The following RMST variants were observed in gnomAD, a reference collection of about 807,000 sequenced individuals.
RMST encodes rhabdomyosarcoma 2 associated transcript, also known as long intergenic non-protein coding RNA 54.
chr12:97,510,273 C>A (rs1879140425), intron 10 of RMST, among the ~76,000 whole-genome samples: 1 of 152,018 alleles, frequency 6.6e-6, no homozygotes, highest in Admixed American at 6.5e-5. Context: ...GAGGTGCCAA[C>A]AATAGATAGA....
intron 5 of RMST, among the ~76,000 whole-genome samples, chr12:97,471,048 C>T (rs184642316): frequency 6.6e-6 from 1 of 152,032 alleles, no homozygotes; most frequent in African/African-American, 2.4e-5. Context: ...AAGAGAGATA[C>T]GTGTCTGCAT....
At chr12:97,553,435 G>A (rs1883450591) in intron 11 of RMST, among the ~76,000 whole-genome samples, 1 of 152,174 alleles carries the variant, frequency 6.6e-6, no homozygotes, top group South Asian at 2.1e-4. Flanking sequence ...TGTGCAACCT[G>A]ATTAAGCAGC....
At chr12:97,470,501 C>T (rs1419616978) in intron 5 of RMST, among the ~76,000 whole-genome samples, 1 of 151,888 alleles carries the variant, frequency 6.6e-6, no homozygotes, top group African/African-American at 2.4e-5. Flanking sequence ...GAAAATAATA[C>T]TCCTAAAATC....
chr12:97,554,674 G>A (rs1158736440), intron 11 of RMST, among the ~76,000 whole-genome samples: 4 of 152,034 alleles, frequency 2.6e-5, no homozygotes, highest in East Asian at 1.9e-4. Context: ...TTCTACCCTC[G>A]TTGCCAAGAA....
At chr12:97,505,570 T>G (rs1332135338) in intron 10 of RMST, among the ~76,000 whole-genome samples, 1 of 152,240 alleles carries the variant, frequency 6.6e-6, no homozygotes, top group Non-Finnish European at 1.5e-5. Context: ...AAGCTATGCA[T>G]TACATGTTTT....
intron 11 of RMST, among the ~76,000 whole-genome samples, chr12:97,558,823 C>G (rs189373502): frequency 1.2e-4 from 18 of 152,106 alleles, no homozygotes; most frequent in African/African-American, 4.3e-4. Flanking sequence ...CACTTAGACT[C>G]CTGATACTGA....
At chr12:97,528,540 A>C (rs981290158) in intron 10 of RMST, among the ~76,000 whole-genome samples, 5 of 152,164 alleles carry the variant, frequency 3.3e-5, no homozygotes, top group African/African-American at 1.2e-4. Flanking sequence ...CCTGAATCAA[A>C]GTCATTTTCA....
intron 11 of RMST, among the ~76,000 whole-genome samples, chr12:97,558,441 C>T (rs1163910038): frequency 6.6e-6 from 1 of 152,138 alleles, no homozygotes; most frequent in Non-Finnish European, 1.5e-5. Context: ...AATGATTGTT[C>T]AGGGTTAAAA....
chr12:97,559,879 A>G (rs1482353182), intron 11 of RMST, among the ~76,000 whole-genome samples: 1 of 152,190 alleles, frequency 6.6e-6, no homozygotes, highest in Non-Finnish European at 1.5e-5. Flanking sequence ...AAATACCTTC[A>G]TCCTTTCTAG....
intron 11 of RMST, among the ~76,000 whole-genome samples, chr12:97,553,075 T>A (rs1276864264): frequency 1.3e-5 from 2 of 152,230 alleles, no homozygotes; most frequent in Non-Finnish European, 2.9e-5. Context: ...TTTGTTAGGA[T>A]AAATGATTGG....
intron 5 of RMST, among the ~76,000 whole-genome samples, chr12:97,475,724 C>T (rs1874478921): frequency 6.6e-6 from 1 of 151,938 alleles, no homozygotes; most frequent in South Asian, 2.1e-4. Flanking sequence ...CCCAAGAACA[C>T]ACATAGTTGT....
intron 5 of RMST, chr12:97,491,495 T>TTG (rs909896061): frequency 1.4e-4 from 23 of 162,504 alleles, no homozygotes; most frequent in East Asian, 1.1e-3. Flanking sequence ...TTTAACCCGT[T>TTG]TGTGTGTGTG....
intron 10 of RMST, among the ~76,000 whole-genome samples, chr12:97,520,127 C>T (rs1045948604): frequency 6.6e-6 from 1 of 152,138 alleles, no homozygotes; most frequent in African/African-American, 2.4e-5. Flanking sequence ...AGTGTCTTGA[C>T]AAATAAAAAG....
chr12:97,489,961 C>T (rs1468077342), intron 5 of RMST, among the ~76,000 whole-genome samples: 1 of 152,260 alleles, frequency 6.6e-6, no homozygotes, highest in Middle Eastern at 3.4e-3. Flanking sequence ...AGGATTTGAC[C>T]TCAGTAGGCC....
intron 11 of RMST, among the ~76,000 whole-genome samples, chr12:97,542,680 A>T (rs1882637766): frequency 6.6e-6 from 1 of 151,868 alleles, no homozygotes; most frequent in South Asian, 2.1e-4. Context: ...TGGGGCTTTG[A>T]TTCATGAACT....
chr12:97,505,170 A>T (rs1026013246), intron 10 of RMST, among the ~76,000 whole-genome samples: 1 of 152,242 alleles, frequency 6.6e-6, no homozygotes, highest in African/African-American at 2.4e-5. Flanking sequence ...AGCAAAATCA[A>T]TATAATGGTT....
At chr12:97,479,892 C>T (rs1875025832) in intron 5 of RMST, among the ~76,000 whole-genome samples, 1 of 152,118 alleles carries the variant, frequency 6.6e-6, no homozygotes. Flanking sequence ...CGTGTGCAAA[C>T]TAACCTCATC....
intron 10 of RMST, among the ~76,000 whole-genome samples, chr12:97,529,917 A>AT (rs1339478499): frequency 1.3e-5 from 2 of 152,084 alleles, no homozygotes; most frequent in African/African-American, 4.8e-5. Flanking sequence ...TTTGTATGTT[A>AT]TTTTTAGCTG....
At chr12:97,492,191 A>G (rs1391162305) in intron 5 of RMST, among the ~76,000 whole-genome samples, 1 of 152,232 alleles carries the variant, frequency 6.6e-6, no homozygotes, top group African/African-American at 2.4e-5. Flanking sequence ...TCAAGGGACT[A>G]TCAAATCAAA....
Sources: gnomAD v4.1 joint callset for allele counts (sites outside exome capture counted in the v4.1 genomes callset) on GRCh38, gnomAD v4.1.1 for gene constraint, MANE v1.5 for transcripts, NCBI Gene and HGNC (gene_info 2026-07-23, HGNC 2026-07-21) for gene names.